Variants in HYDIN observed in about 807,000 individuals in gnomAD.
The protein encoded by HYDIN is HYDIN axonemal central pair apparatus protein, also known as axonemal central pair apparatus protein HYDIN.
HYDIN carries 132 observed loss-of-function variants against 403.9 expected under a neutral mutation model. The ratio of observed to expected loss-of-function variants is 0.33; its 90% CI spans 0.28 to 0.38. HYDIN has a LOEUF of 0.38. HYDIN is among the 10% of genes least tolerant of loss of function. The pLI, the probability that HYDIN is intolerant of heterozygous loss-of-function variation, is 1.00. For synonymous variants in HYDIN, 1,202 were observed against 1,891.7 expected, an observed-to-expected ratio of 0.64 and a Z score of 9.46; for missense variants, 2,827 against 5,009.5, an observed-to-expected ratio of 0.56 and a Z score of 13.15.
chr16:70,964,641 C>G, intron 37 of HYDIN, 87 bp downstream of exon 37: 1 of 816,964 alleles, frequency 1.2e-6, no homozygotes, highest in Non-Finnish European at 2.0e-6. Context: ...GGCAGGTACT[C>G]AGAAACAGGT....
At chr16:71,198,857 G>T (rs1170764240) in intron 1 of HYDIN, among the ~76,000 whole-genome samples, 1 of 152,206 alleles carries the variant, frequency 6.6e-6, no homozygotes, top group Non-Finnish European at 1.5e-5. Context: ...TCGGTGCACA[G>T]TGAATCTCCT....
rs1277953652 is a variant in HYDIN at position 70,908,861 on chromosome 16, C to G, written c.8005G>C (p.Ala2669Pro). ...DFLATTNTTK[A>P]QEEQTSSSKG... is the part of the protein sequence containing the mutation. The stretch of plus-strand genomic sequence containing the variant: ...GATGAGCTGGTCTGCTCCTCTTGAG[C>G]CTTAATTAAAAACGAGCATGAGGTC... Residue 2669 changes from alanine (A) to proline (P), a missense_variant and splice_region_variant, in exon 48 of 86, where the codon GCT (alanine) becomes CCT (proline). Coordinates refer to ENST00000393567, the MANE Select transcript of HYDIN (RefSeq NM_001270974.2). 6.2e-7 allele frequency: 1 copy of G among 1,609,068 alleles called. No homozygotes were observed. Among genetic ancestry groups the G allele is most frequent in the Non-Finnish European group, 8.5e-7 (1 of 1,178,660 alleles).
chr16:71,080,872 C>T (rs973117638), intron 12 of HYDIN: 12 of 151,162 alleles, frequency 7.9e-5, no homozygotes, highest in African/African-American at 2.9e-4. Flanking sequence ...AAGAGGAGGT[C>T]AGAGTGCTGC....
chr16:70,986,444 C>T (rs1362760016), intron 27 of HYDIN, among the ~76,000 whole-genome samples: 1 of 152,190 alleles, frequency 6.6e-6, no homozygotes, highest in Non-Finnish European at 1.5e-5. Context: ...CAAGAGAATT[C>T]TATTTGGTCA....
At chr16:71,043,418 C>T (rs1055170560) in intron 18 of HYDIN, among the ~76,000 whole-genome samples, 9 of 144,246 alleles carry the variant, frequency 6.2e-5, no homozygotes, top group Admixed American at 2.1e-4. Flanking sequence ...GCACATATTG[C>T]GTCTTAGAAC....
At chr16:71,183,016 A>T (rs1416060430) in intron 3 of HYDIN, among the ~76,000 whole-genome samples, 5 of 152,106 alleles carry the variant, frequency 3.3e-5, no homozygotes, top group Non-Finnish European at 7.4e-5. Context: ...CATGGAAGCA[A>T]TATGTTCTGA....
chr16:70,866,193 A>C lies in HYDIN; in HGVS notation c.11447T>G (p.Leu3816Trp), dbSNP rs761596602. The part of the protein sequence containing the change: ...QARDVRFKET[L>W]VYQTRVFEFD... ...CTCAAACACTCGGGTCTGGTAAACC[A>C]AGGTTTCCTTAAAGCGCACATCTCT... Residue 3816 changes from leucine (L) to tryptophan (W), a missense_variant, in exon 67 of 86, where the codon TTG becomes TGG. Coordinates refer to ENST00000393567, the MANE Select transcript of HYDIN (RefSeq NM_001270974.2). 1 of 1,588,470 alleles carries C rather than the reference A, an allele frequency of 6.3e-7. No homozygotes were observed. Among genetic ancestry groups the C allele is most frequent in the East Asian group, 2.2e-5 (1 of 44,776 alleles).
At chr16:71,018,752 T>C (rs2080353491) in intron 22 of HYDIN, among the ~76,000 whole-genome samples, 1 of 152,292 alleles carries the variant, frequency 6.6e-6, no homozygotes, top group African/African-American at 2.4e-5. Flanking sequence ...TTGATAAGTG[T>C]TGTGTGGGGT....
intron 40 of HYDIN, among the ~76,000 whole-genome samples, chr16:70,953,670 T>A (rs973947842): frequency 6.6e-6 from 1 of 152,056 alleles, no homozygotes; most frequent in Non-Finnish European, 1.5e-5. Context: ...CCTACCCTAG[T>A]GGTTTCATGG....
chr16:71,223,281 T>C (rs564166985), intron 1 of HYDIN, among the ~76,000 whole-genome samples: 118 of 152,296 alleles, frequency 7.7e-4, no homozygotes, highest in African/African-American at 2.8e-3. Flanking sequence ...TGTAGAAGAA[T>C]GAAACTGGGT....
rs1597458669 is a variant in HYDIN at position 70,978,794 on chromosome 16, G to A, written c.4638+120C>T. On this transcript the variant is annotated intron_variant, in intron 30 of 85. Coordinates refer to ENST00000393567, the MANE Select transcript of HYDIN (RefSeq NM_001270974.2). ...TTGCCCCTGGGCTTCTGCACACAGTGCCCTTCTGCACACACACCCCACACA... is the reference window on the plus strand; with the variant it reads ...TTGCCCCTGGGCTTCTGCACACAGTACCCTTCTGCACACACACCCCACACA... 8 of 805,990 alleles carry A rather than the reference G, an allele frequency of 9.9e-6. No homozygotes were observed. The East Asian group carries it at 1.6e-4, about 16-fold the overall frequency. The allele number at this position is 805,990 out of a possible 1,614,324, so 49.9% of individuals were successfully genotyped here.
chr16:70,900,199 A>G (rs55643938), intron 53 of HYDIN, among the ~76,000 whole-genome samples: 9,568 of 152,160 alleles, frequency 0.063, 330 homozygotes, highest in Middle Eastern at 0.075. Flanking sequence ...GGAAAGATAC[A>G]TCGGGAGGCA....
chr16:71,150,908 A>G (rs2085512498), intron 7 of HYDIN, among the ~76,000 whole-genome samples: 1 of 152,222 alleles, frequency 6.6e-6, no homozygotes. Flanking sequence ...AGACACTTAA[A>G]AAGATAAATG....
chr16:71,163,962 G>A (rs564402279), intron 5 of HYDIN, among the ~76,000 whole-genome samples: 21 of 151,084 alleles, frequency 1.4e-4, no homozygotes, highest in Non-Finnish European at 2.5e-4. Context: ...TGAGGCCCTA[G>A]GCATCTCTCT....
intron 18 of HYDIN, among the ~76,000 whole-genome samples, chr16:71,051,503 G>A (rs1033124647): frequency 5.9e-4 from 90 of 152,004 alleles, no homozygotes; most frequent in South Asian, 2.5e-3. Flanking sequence ...AATATTAGCC[G>A]GACGTGGTGG....
At chr16:71,223,400 T>C (rs8052720) in intron 1 of HYDIN, among the ~76,000 whole-genome samples, 6,019 of 152,200 alleles carry the variant, frequency 0.04, 438 homozygotes, top group African/African-American at 0.14. Flanking sequence ...AAACTCTTCT[T>C]CTGGCATTGG....
At chr16:71,036,336 T>C (rs1290403015) in intron 18 of HYDIN, among the ~76,000 whole-genome samples, 5 of 152,156 alleles carry the variant, frequency 3.3e-5, no homozygotes, top group Admixed American at 3.3e-4. Flanking sequence ...GTTAGCATCC[T>C]ACATAGCTTT....
At chr16:70,843,464 C>T (rs2037979456) in intron 75 of HYDIN, among the ~76,000 whole-genome samples, 1 of 126,620 alleles carries the variant, frequency 7.9e-6, no homozygotes. Context: ...TGGGTTGGTT[C>T]CAAGTCTTTG....
intron 12 of HYDIN, among the ~76,000 whole-genome samples, chr16:71,081,860 G>A (rs978336861): frequency 6.8e-6 from 1 of 148,056 alleles, no homozygotes. Context: ...ATGTATCTGT[G>A]CTATGGTTCA....
Sources: allele counts gnomAD v4.1 joint callset (sites outside exome capture counted in the v4.1 genomes callset), GRCh38; gene constraint gnomAD v4.1.1; transcripts MANE v1.5; gene names NCBI Gene and HGNC (gene_info 2026-07-23, HGNC 2026-07-21).